Variants in NCKAP5 observed in about 807,000 individuals in gnomAD.
NCKAP5 encodes nck-associated protein 5.
Under a neutral mutation model 167.0 loss-of-function variants are expected in NCKAP5, and 92 were observed. That is an observed-to-expected ratio of 0.55 (90% CI 0.47 to 0.66). The LOEUF (loss-of-function observed/expected upper bound fraction) is 0.66, where lower values mean the gene tolerates loss of function less well. Ranked by LOEUF, NCKAP5 falls within the 30% of genes least tolerant of loss-of-function variation. NCKAP5 has a pLI of 0.00. For synonymous variants in NCKAP5, 891 were observed against 877.4 expected (o/e 1.02, Z -0.27); for missense variants, 2,378 against 2,315.0 (o/e 1.03, Z -0.56).
At chr2:132,733,827 A>G (rs377745973) in intron 16 of NCKAP5, among the ~76,000 whole-genome samples, 31 of 152,220 alleles carry the variant, frequency 2.0e-4, no homozygotes, top group African/African-American at 7.0e-4. Flanking sequence ...GGGAATGTGT[A>G]CAGAGTTGGC....
intron 8 of NCKAP5, among the ~76,000 whole-genome samples, chr2:132,920,463 C>T (rs971036091): frequency 4.6e-5 from 7 of 151,120 alleles, no homozygotes; most frequent in Non-Finnish European, 1.0e-4. Flanking sequence ...AAAAGGACCC[C>T]CTTTTGTTGA....
At chr2:132,792,024 A>G (rs1365422944) in intron 12 of NCKAP5, among the ~76,000 whole-genome samples, 1 of 143,416 alleles carries the variant, frequency 7.0e-6, no homozygotes, top group Admixed American at 7.1e-5. Flanking sequence ...CTTGGCCTTG[A>G]ACTTGAGATG....
At chr2:132,977,437 AC>A (rs1273655653) in intron 7 of NCKAP5, among the ~76,000 whole-genome samples, 2 of 151,916 alleles carry the variant, frequency 1.3e-5, no homozygotes, top group African/African-American at 4.8e-5. Flanking sequence ...TTTAACTGAC[AC>A]CCCCTGCCAC....
intron 6 of NCKAP5, among the ~76,000 whole-genome samples, chr2:133,071,363 T>G (rs949232728): frequency 6.6e-6 from 1 of 151,898 alleles, no homozygotes; most frequent in Admixed American, 6.6e-5. Context: ...GAGAATGGTG[T>G]GAACCCGGGA....
intron 4 of NCKAP5, among the ~76,000 whole-genome samples, chr2:133,279,312 C>T (rs2089854175): frequency 6.6e-6 from 1 of 152,192 alleles, no homozygotes; most frequent in African/African-American, 2.4e-5. Flanking sequence ...GCTTATCCGT[C>T]AGGTTTGGAT....
chr2:133,663,999 A>G, the NCKAP5 span, among the ~76,000 whole-genome samples: 1 of 152,224 alleles, frequency 6.6e-6, no homozygotes, highest in East Asian at 1.9e-4. Flanking sequence ...TTTCTTAAAT[A>G]ATAAGACTAG....
At chr2:133,059,600 G>A in intron 6 of NCKAP5, among the ~76,000 whole-genome samples, 1 of 151,840 alleles carries the variant, frequency 6.6e-6, no homozygotes, top group East Asian at 1.9e-4. Flanking sequence ...TTAAGCCCAG[G>A]AGGTTGAGGA....
Position 132,836,641 on chromosome 2 carries a change from C to T in NCKAP5, c.807+23851G>A, listed in dbSNP as rs886953394. Among the ~76,000 whole-genome samples the T allele has an allele frequency of 5.9e-5, 9 of 152,208 alleles. No homozygotes were observed. The South Asian group carries it at 1.9e-3, about 32-fold the overall frequency. ...ATTTGTGAGATCCTGGTGCACCCATCACCCAAGCAGTATACACTGCACCAT... is the reference window on the plus strand; with the variant it reads ...ATTTGTGAGATCCTGGTGCACCCATTACCCAAGCAGTATACACTGCACCAT... On this transcript the variant is annotated intron_variant, in intron 11 of 19. Coordinates refer to ENST00000409261, the MANE Select transcript of NCKAP5 (RefSeq NM_207363.3).
chr2:132,951,269 G>A (rs2076178950), intron 8 of NCKAP5, among the ~76,000 whole-genome samples: 1 of 152,164 alleles, frequency 6.6e-6, no homozygotes, highest in South Asian at 2.1e-4. Context: ...TGGGTGTGCT[G>A]TAACTAAGGC....
intron 2 of NCKAP5, among the ~76,000 whole-genome samples, chr2:133,529,412 G>C (rs189541168): frequency 6.6e-6 from 1 of 152,122 alleles, no homozygotes; most frequent in Non-Finnish European, 1.5e-5. Context: ...CCTGGGCCTA[G>C]TTCAGTTTTT....
At chr2:133,500,148 A>C (rs1039560396) in intron 3 of NCKAP5, among the ~76,000 whole-genome samples, 1 of 152,190 alleles carries the variant, frequency 6.6e-6, no homozygotes, top group African/African-American at 2.4e-5. Context: ...TTTGCAAAGC[A>C]ATGCCAATTA....
intron 8 of NCKAP5, among the ~76,000 whole-genome samples, chr2:132,951,110 C>T (rs1336981861): frequency 6.6e-6 from 1 of 152,162 alleles, no homozygotes; most frequent in Admixed American, 6.5e-5. Context: ...GGTTGAGATG[C>T]TGTTCTCTCA....
At chr2:133,465,711 T>A (rs2151254497) in intron 3 of NCKAP5, among the ~76,000 whole-genome samples, 1 of 152,252 alleles carries the variant, frequency 6.6e-6, no homozygotes, top group East Asian at 1.9e-4. Context: ...CTAACTGGTG[T>A]GAGATGGTAC....
chr2:133,528,237 TAC>T (rs1685081466), intron 2 of NCKAP5, among the ~76,000 whole-genome samples: 1 of 152,160 alleles, frequency 6.6e-6, no homozygotes, highest in South Asian at 2.1e-4. Flanking sequence ...CATGTGTATA[TAC>T]ACACACATAT....
chr2:132,676,285 T>C (rs1305215720), intron 19 of NCKAP5, among the ~76,000 whole-genome samples: 5 of 35,306 alleles, frequency 1.4e-4, no homozygotes, highest in Non-Finnish European at 2.9e-4. Flanking sequence ...GTTTTATCCT[T>C]TTTTTTTTTT....
chr2:133,031,460 T>C (rs951782866), intron 6 of NCKAP5, among the ~76,000 whole-genome samples: 4 of 152,316 alleles, frequency 2.6e-5, no homozygotes, highest in Middle Eastern at 6.8e-3. Context: ...CTTGAGTGCC[T>C]GCAAACCTTG....
intron 6 of NCKAP5, among the ~76,000 whole-genome samples, chr2:133,008,348 C>G (rs560550359): frequency 6.6e-6 from 1 of 152,252 alleles, no homozygotes; most frequent in African/African-American, 2.4e-5. Flanking sequence ...TATGCATTCC[C>G]TCTGGTCCGG....
the NCKAP5 span, among the ~76,000 whole-genome samples, chr2:133,658,648 G>T: frequency 1.3e-5 from 2 of 152,122 alleles, no homozygotes; most frequent in African/African-American, 4.8e-5. Context: ...AAGGCTCAGG[G>T]ACAGTCAGGC....
At chr2:132,887,348 T>TATCC (rs796252827) in intron 8 of NCKAP5, among the ~76,000 whole-genome samples, 10 of 128,700 alleles carry the variant, frequency 7.8e-5, no homozygotes, top group African/African-American at 3.5e-4. Context: ...TCTATCTATC[T>TATCC]ATCCATCCAT....
Sources: gnomAD v4.1 joint callset for allele counts (sites outside exome capture counted in the v4.1 genomes callset) on GRCh38, gnomAD v4.1.1 for gene constraint, MANE v1.5 for transcripts, NCBI Gene and HGNC (gene_info 2026-07-23, HGNC 2026-07-21) for gene names.